Variants in DMD observed in about 807,000 individuals in gnomAD.
DMD encodes the protein mutant dystrophin.
A neutral mutation model predicts 330.1 loss-of-function variants in DMD; 63 were observed. That is an observed-to-expected ratio of 0.19 (90% CI 0.16 to 0.24). DMD has a LOEUF of 0.24. Among genes scored for constraint, DMD ranks in the 10% least tolerant of loss-of-function variants. The pLI is 1.00. For synonymous variants in DMD, 1,223 were observed against 959.8 expected (o/e 1.27, Z -5.07); for missense variants, 3,344 against 2,684.1 (o/e 1.25, Z -5.43).
chrX:32,881,981 T>C (rs1436770011), intron 2 of DMD, among the ~76,000 whole-genome samples: 1 of 112,528 alleles, frequency 8.9e-6, no homozygotes, highest in Non-Finnish European at 1.9e-5. Flanking sequence ...ACTGTCCTTA[T>C]TAGCAGTTCC....
At chrX:31,458,417 T>G (rs909978066) in intron 59 of DMD, among the ~76,000 whole-genome samples, 2 of 108,562 alleles carry the variant, frequency 1.8e-5, no homozygotes, top group Non-Finnish European at 3.8e-5. Context: ...ATCATGATAA[T>G]GTCCAGTTAA....
intron 44 of DMD, among the ~76,000 whole-genome samples, chrX:32,098,333 A>C (rs987496795): frequency 5.4e-5 from 6 of 111,902 alleles, no homozygotes; most frequent in African/African-American, 1.9e-4. Flanking sequence ...ATATCAGTCC[A>C]TTATACAGAA....
intron 2 of DMD, among the ~76,000 whole-genome samples, chrX:32,884,439 C>A (rs1046363214): frequency 1.8e-5 from 2 of 111,873 alleles, no homozygotes; most frequent in Admixed American, 1.9e-4. Flanking sequence ...ATGGGCCAGG[C>A]ACTTTATATA....
At chrX:32,105,420 A>G (rs1048489057) in intron 44 of DMD, among the ~76,000 whole-genome samples, 9 of 112,196 alleles carry the variant, frequency 8.0e-5, no homozygotes, top group African/African-American at 2.9e-4. Context: ...GAATAAAGCT[A>G]TGTGTGATAC....
intron 50 of DMD, among the ~76,000 whole-genome samples, chrX:31,783,596 T>C (rs1221248553): frequency 2.7e-5 from 3 of 111,297 alleles, no homozygotes; most frequent in Non-Finnish European, 5.7e-5. Context: ...GTTGTTGTTT[T>C]CACAATTAGA....
intron 9 of DMD, among the ~76,000 whole-genome samples, chrX:32,650,365 CT>C (rs2060067222): frequency 9.0e-6 from 1 of 111,625 alleles, no homozygotes; most frequent in Non-Finnish European, 1.9e-5. Context: ...TATCATACTT[CT>C]TTTTCATGGA....
At chrX:31,478,689 T>C (rs1603224674) in intron 58 of DMD, among the ~76,000 whole-genome samples, 1 of 112,355 alleles carries the variant, frequency 8.9e-6, no homozygotes, top group Middle Eastern at 4.6e-3. Context: ...TTGTAGTCTT[T>C]GCAACAATAG....
intron 48 of DMD, among the ~76,000 whole-genome samples, chrX:31,874,697 C>T (rs1467520272): frequency 1.8e-5 from 2 of 110,976 alleles, no homozygotes; most frequent in African/African-American, 6.6e-5. Flanking sequence ...TTCGCCTGGG[C>T]TCATCTTTGC....
chrX:32,914,430 T>G (rs1400544344), intron 2 of DMD, among the ~76,000 whole-genome samples: 2 of 112,464 alleles, frequency 1.8e-5, no homozygotes, highest in Middle Eastern at 4.6e-3. Context: ...TTTAGGCTCA[T>G]AGTAACAAGC....
At chrX:32,381,369 C>A (rs978631341) in intron 33 of DMD, among the ~76,000 whole-genome samples, 3 of 111,326 alleles carry the variant, frequency 2.7e-5, no homozygotes, top group South Asian at 7.4e-4. Flanking sequence ...GATACCAACA[C>A]CCTCAAAAGC....
At chrX:32,303,786 G>A (rs779289132) in intron 42 of DMD, among the ~76,000 whole-genome samples, 8 of 110,344 alleles carry the variant, frequency 7.3e-5, no homozygotes, top group Non-Finnish European at 1.3e-4. Context: ...TCTGGAATTT[G>A]TCTTTATCTG....
intron 76 of DMD, among the ~76,000 whole-genome samples, chrX:31,135,576 T>C (rs1405630577): frequency 1.8e-5 from 2 of 112,052 alleles, no homozygotes; most frequent in Admixed American, 1.9e-4. Context: ...GGATGGATGA[T>C]ATTCACTGGG....
intron 43 of DMD, among the ~76,000 whole-genome samples, chrX:32,260,475 T>G (rs148018702): frequency 0.02 from 2,271 of 111,687 alleles, 57 homozygotes; most frequent in African/African-American, 0.069. Flanking sequence ...TCTTCCCTCA[T>G]TCTGCATGAT....
intron 7 of DMD, among the ~76,000 whole-genome samples, chrX:32,753,467 T>C (rs1265525145): frequency 3.6e-5 from 4 of 111,607 alleles, no homozygotes; most frequent in Admixed American, 9.6e-5. Flanking sequence ...TTGTTTTTCA[T>C]ACTCATAAAG....
chrX:32,808,134 T>C (rs910166229), intron 7 of DMD, among the ~76,000 whole-genome samples: 3 of 111,451 alleles, frequency 2.7e-5, no homozygotes, highest in Non-Finnish European at 5.7e-5. Context: ...ACTAAGGACG[T>C]AGGATTAATA....
At chrX:31,882,268 T>C (rs2094083581) in intron 47 of DMD, among the ~76,000 whole-genome samples, 1 of 111,881 alleles carries the variant, frequency 8.9e-6, no homozygotes. Context: ...CGTTTCCTAA[T>C]TTATACGATG....
At chrX:31,168,168 G>C (rs2039621543) in intron 74 of DMD, among the ~76,000 whole-genome samples, 1 of 111,807 alleles carries the variant, frequency 8.9e-6, no homozygotes, top group Non-Finnish European at 1.9e-5. Context: ...GTAGATGAGA[G>C]CAGGATGTAT....
chrX:32,734,526 G>A (rs2068158935), intron 7 of DMD, among the ~76,000 whole-genome samples: 1 of 105,838 alleles, frequency 9.4e-6, no homozygotes, highest in Non-Finnish European at 1.9e-5. Flanking sequence ...TAAAATACTG[G>A]CAAAACGAAT....
intron 7 of DMD, among the ~76,000 whole-genome samples, chrX:32,704,087 A>G (rs1032802361): frequency 3.6e-5 from 4 of 111,873 alleles, no homozygotes; most frequent in Non-Finnish European, 5.6e-5. Context: ...TGAGTGTTTC[A>G]TATTTGAGGA....
Sources: allele counts gnomAD v4.1 joint callset (sites outside exome capture counted in the v4.1 genomes callset), GRCh38; gene constraint gnomAD v4.1.1; transcripts MANE v1.5; gene names NCBI Gene and HGNC (gene_info 2026-07-23, HGNC 2026-07-21).